Variants in RALYL observed in about 807,000 individuals in gnomAD.
RALYL encodes the protein RNA-binding Raly-like protein.
Under a neutral mutation model 35.1 loss-of-function variants are expected in RALYL, and 29 were observed. The ratio of observed to expected loss-of-function variants is 0.83; its 90% CI spans 0.61 to 1.13. The LOEUF is 1.13. RALYL is among the 50% of genes most tolerant of loss of function. The pLI, the probability that RALYL is intolerant of heterozygous loss-of-function variation, is 0.00. For missense variants in RALYL, 359 were observed against 360.4 expected, an observed-to-expected ratio of 1.00 and a Z score of 0.03; for synonymous variants, 120 against 127.6, an observed-to-expected ratio of 0.94 and a Z score of 0.40.
At chr8:84,206,973 T>C (rs1818202614) in intron 1 of RALYL, among the ~76,000 whole-genome samples, 2 of 152,042 alleles carry the variant, frequency 1.3e-5, no homozygotes, top group Non-Finnish European at 2.9e-5. Context: ...CAATGAGATA[T>C]CACCTCACCT....
rs78749008 is a variant in RALYL at position 84,579,526 on chromosome 8, G to C, written c.256+49949G>C. Among the ~76,000 whole-genome samples, 170 of 152,292 alleles carry C rather than the reference G, an allele frequency of 1.1e-3. 3 individuals are homozygous for C. In the East Asian group the frequency reaches 0.026, roughly 23 times the overall value. ...GTGCAACCCTGGCTGTGCCTCCTCT[G>C]TGCACCCTGCATCTTAGTAATGGTG... On this transcript the variant is annotated intron_variant, in intron 2 of 8. Transcript: ENST00000521268.
chr8:84,557,534 T>G (rs2061211190), intron 2 of RALYL, among the ~76,000 whole-genome samples: 1 of 152,232 alleles, frequency 6.6e-6, no homozygotes. Flanking sequence ...TTTCTAGAGC[T>G]TATGCATTCT....
intron 1 of RALYL, among the ~76,000 whole-genome samples, chr8:84,243,260 C>T (rs560355103): frequency 2.6e-5 from 4 of 151,994 alleles, no homozygotes; most frequent in African/African-American, 7.2e-5. Context: ...ATGCCTCCAG[C>T]GTGTTTTTGT....
intron 1 of RALYL, among the ~76,000 whole-genome samples, chr8:84,357,032 T>C (rs142125944): frequency 6.6e-5 from 10 of 152,242 alleles, no homozygotes; most frequent in Admixed American, 2.6e-4. Flanking sequence ...TCTAAAATAC[T>C]GGACAACTCT....
chr8:84,646,903 T>C (rs923237221), intron 2 of RALYL, among the ~76,000 whole-genome samples: 22 of 152,242 alleles, frequency 1.4e-4, no homozygotes, highest in African/African-American at 4.1e-4. Context: ...TTTCTCACTT[T>C]GATGATGATT....
At chr8:84,575,961 CAAA>C (rs201624374) in intron 2 of RALYL, among the ~76,000 whole-genome samples, 6 of 77,822 alleles carry the variant, frequency 7.7e-5, no homozygotes, top group Admixed American at 1.4e-4. Context: ...GATTTTGTCT[CAAA>C]AAAAAAAAAA....
chr8:84,913,027 GAT>G (rs1467901577), intron 8 of RALYL, among the ~76,000 whole-genome samples: 10,966 of 119,466 alleles, frequency 0.092, 472 homozygotes, highest in Middle Eastern at 0.16. Context: ...TGGATGGATG[GAT>G]GGATAGGTAG....
chr8:84,471,880 ATG>A (rs2052802146), intron 1 of RALYL, among the ~76,000 whole-genome samples: 1 of 152,208 alleles, frequency 6.6e-6, no homozygotes, highest in African/African-American at 2.4e-5. Context: ...AAAAAATACC[ATG>A]AAGTGTTTGT....
chr8:84,483,325 G>A (rs1473348477), intron 1 of RALYL, among the ~76,000 whole-genome samples: 1 of 151,958 alleles, frequency 6.6e-6, no homozygotes, highest in Non-Finnish European at 1.5e-5. Flanking sequence ...TACTAGACTT[G>A]GTGTGTAACT....
At chr8:84,509,074 A>G (rs2057400611) in intron 1 of RALYL, among the ~76,000 whole-genome samples, 1 of 152,176 alleles carries the variant, frequency 6.6e-6, no homozygotes, top group Non-Finnish European at 1.5e-5. Flanking sequence ...TACATATTAT[A>G]TCAAAAAAGA....
intron 2 of RALYL, among the ~76,000 whole-genome samples, chr8:84,756,482 G>T (rs1585990996): frequency 6.6e-6 from 1 of 152,100 alleles, no homozygotes. Context: ...GATTTTGCTA[G>T]CTTTGAATTG....
In RALYL at chr8:84,230,097, A is replaced by G. The variant is rs528731587; in HGVS notation, c.-24+45673A>G. The stretch of plus-strand genomic sequence containing the variant: ...TCAAATAAACAAAGCTTAATCTAAT[A>G]TAGTCCTCATATATAGGGTTAATTG... On this transcript the variant is annotated intron_variant, in intron 1 of 8. Transcript: ENST00000521268. Among the ~76,000 whole-genome samples, 8 of 152,328 alleles carry G rather than the reference A, an allele frequency of 5.3e-5. No individual in the cohort carries two copies. In the South Asian group the frequency reaches 1.4e-3, roughly 28 times the overall value.
At chr8:84,570,589 C>G (rs1407385266) in intron 2 of RALYL, among the ~76,000 whole-genome samples, 1 of 151,842 alleles carries the variant, frequency 6.6e-6, no homozygotes, top group East Asian at 1.9e-4. Context: ...CTTGCCTGAT[C>G]TCTCTGGCTA....
At chr8:84,574,086 C>G (rs1808730107) in intron 2 of RALYL, among the ~76,000 whole-genome samples, 1 of 151,922 alleles carries the variant, frequency 6.6e-6, no homozygotes, top group Admixed American at 6.6e-5. Context: ...GTTTAGTAGT[C>G]TTTAAAGAGT....
chr8:84,189,799 T>C (rs1813418614), intron 1 of RALYL, among the ~76,000 whole-genome samples: 1 of 152,174 alleles, frequency 6.6e-6, no homozygotes, highest in Admixed American at 6.5e-5. Context: ...AAGATGTCTG[T>C]AGTTTGGCAA....
chr8:84,594,301 T>C (rs1442923230), intron 2 of RALYL, among the ~76,000 whole-genome samples: 1 of 152,110 alleles, frequency 6.6e-6, no homozygotes, highest in African/African-American at 2.4e-5. Flanking sequence ...TAGGATATTA[T>C]AAGCAATATA....
At chr8:84,539,099 C>T (rs575281247) in intron 2 of RALYL, among the ~76,000 whole-genome samples, 28 of 152,212 alleles carry the variant, frequency 1.8e-4, no homozygotes, top group African/African-American at 5.8e-4. Flanking sequence ...TTGGTGGTTT[C>T]GAGTTAGGCT....
intron 1 of RALYL, among the ~76,000 whole-genome samples, chr8:84,227,731 G>C (rs899147907): frequency 6.6e-6 from 1 of 152,110 alleles, no homozygotes; most frequent in Non-Finnish European, 1.5e-5. Flanking sequence ...ATAATGTAAA[G>C]TTAAGAATTA....
chr8:84,854,660 A>G (rs1586783532), intron 5 of RALYL, among the ~76,000 whole-genome samples: 1 of 152,230 alleles, frequency 6.6e-6, no homozygotes, highest in East Asian at 1.9e-4. Flanking sequence ...AACAGGGCTA[A>G]TTGCATATAG....
Sources: allele counts gnomAD v4.1 joint callset (sites outside exome capture counted in the v4.1 genomes callset), GRCh38; gene constraint gnomAD v4.1.1; transcripts MANE v1.5; gene names NCBI Gene and HGNC (gene_info 2026-07-23, HGNC 2026-07-21).